The following GRIP1 variants were observed in gnomAD, a reference collection of about 807,000 sequenced individuals.
GRIP1 encodes the protein glutamate receptor interacting protein 1.
GRIP1 carries 45 observed loss-of-function variants against 129.9 expected under a neutral mutation model. The observed-to-expected ratio is 0.35, with a 90% confidence interval of 0.27 to 0.44. The LOEUF is 0.44. Among genes scored for constraint, GRIP1 ranks in the 20% least tolerant of loss-of-function variants. GRIP1 has a pLI of 1.00. For synonymous variants in GRIP1, 530 were observed against 520.8 expected (o/e 1.02, Z -0.24); for missense variants, 1,196 against 1,396.8 (o/e 0.86, Z 2.29).
At chr12:66,446,323 T>G (rs1322537718) in intron 11 of GRIP1, among the ~76,000 whole-genome samples, 1 of 152,234 alleles carries the variant, frequency 6.6e-6, no homozygotes. Context: ...CCCTGCCCAT[T>G]GGAGTGTGGC....
chr12:66,673,744 C>T (rs2034194085), intron 1 of GRIP1, among the ~76,000 whole-genome samples: 1 of 152,304 alleles, frequency 6.6e-6, no homozygotes, highest in East Asian at 1.9e-4. Flanking sequence ...GGACCACGAG[C>T]AGCACTTGCG....
chr12:67,057,454 A>AAC, intron 1 of GRIP1, among the ~76,000 whole-genome samples: 1 of 149,708 alleles, frequency 6.7e-6, no homozygotes, highest in Admixed American at 6.7e-5. Context: ...AAAAAAAAAA[A>AAC]ACTCCTGTTG....
intron 1 of GRIP1, among the ~76,000 whole-genome samples, chr12:66,831,539 C>T (rs2039518288): frequency 6.6e-6 from 1 of 152,170 alleles, no homozygotes; most frequent in South Asian, 2.1e-4. Flanking sequence ...TGAGTATATG[C>T]TTTATGTGTG....
chr12:67,047,858 G>T (rs1012402099), intron 1 of GRIP1, among the ~76,000 whole-genome samples: 6 of 152,142 alleles, frequency 3.9e-5, no homozygotes, highest in Non-Finnish European at 8.8e-5. Context: ...TCATCAAATT[G>T]CTTTCTCCAA....
intron 2 of GRIP1, among the ~76,000 whole-genome samples, chr12:66,596,585 G>A (rs1232258153): frequency 6.6e-6 from 1 of 152,184 alleles, no homozygotes; most frequent in Non-Finnish European, 1.5e-5. Flanking sequence ...AATGAGTAGA[G>A]TTGATACAAA....
intron 1 of GRIP1, among the ~76,000 whole-genome samples, chr12:66,867,703 A>G (rs1184430176): frequency 1.3e-5 from 2 of 152,156 alleles, no homozygotes; most frequent in African/African-American, 4.8e-5. Flanking sequence ...CACTTTAAAA[A>G]CACCCATTTT....
At chr12:66,923,527 C>T (rs968761076) in intron 1 of GRIP1, among the ~76,000 whole-genome samples, 21 of 152,160 alleles carry the variant, frequency 1.4e-4, no homozygotes, top group African/African-American at 4.1e-4. Flanking sequence ...AAACTTTTAA[C>T]CCCTTTATCT....
chr12:66,714,421 G>A (rs938649093), intron 1 of GRIP1, among the ~76,000 whole-genome samples: 14 of 151,984 alleles, frequency 9.2e-5, no homozygotes, highest in East Asian at 1.9e-4. Context: ...GATCAATGTC[G>A]TTGCCAGATA....
At chr12:66,578,449 C>T (rs1185842729) in intron 2 of GRIP1, among the ~76,000 whole-genome samples, 5 of 150,780 alleles carry the variant, frequency 3.3e-5, no homozygotes, top group Admixed American at 1.3e-4. Context: ...CAAAGCAGGG[C>T]GAGGCATTGC....
chr12:66,596,990 T>C lies in GRIP1; in HGVS notation c.56-63A>G, dbSNP rs960119652. 11 of 1,088,748 alleles carry C rather than the reference T, an allele frequency of 1.0e-5. No homozygotes were observed. The African/African-American group carries it at 1.2e-4, about 12-fold the overall frequency. The allele number at this position is 1,088,748 out of a possible 1,614,324, so 67.4% of individuals were successfully genotyped here. On this transcript the variant is annotated intron_variant, in intron 1 of 24. Coordinates refer to ENST00000359742, the MANE Select transcript of GRIP1 (RefSeq NM_001366722.1). ...CCAGTTTCTAATGCAGTGAAGATTTTTAACGGATTGCAATCCTTCTGCGAG... is the reference window on the plus strand; with the variant it reads ...CCAGTTTCTAATGCAGTGAAGATTTCTAACGGATTGCAATCCTTCTGCGAG...
At chr12:66,576,647 T>TTTATTTAAAA (rs2063148449) in intron 2 of GRIP1, among the ~76,000 whole-genome samples, 1 of 152,212 alleles carries the variant, frequency 6.6e-6, no homozygotes, top group Non-Finnish European at 1.5e-5. Flanking sequence ...AAAAGAGGGA[T>TTTATTTAAAA]AACACCTCTG....
intron 1 of GRIP1, among the ~76,000 whole-genome samples, chr12:66,822,898 G>C (rs953517851): frequency 5.3e-5 from 8 of 152,158 alleles, no homozygotes; most frequent in Admixed American, 5.2e-4. Flanking sequence ...CCTGGCTGAT[G>C]AGATCAATCA....
At chr12:66,482,479 G>A (rs2059833493) in intron 7 of GRIP1, among the ~76,000 whole-genome samples, 1 of 152,178 alleles carries the variant, frequency 6.6e-6, no homozygotes, top group Admixed American at 6.5e-5. Flanking sequence ...ATCACAGAAG[G>A]GAATCTACGA....
At chr12:66,690,109 G>A (rs1006324350) in intron 1 of GRIP1, among the ~76,000 whole-genome samples, 1 of 151,846 alleles carries the variant, frequency 6.6e-6, no homozygotes, top group South Asian at 2.1e-4. Flanking sequence ...CTGTAGAGAA[G>A]GGCTGTCCCT....
At chr12:67,024,924 A>G (rs1279755439) in intron 1 of GRIP1, among the ~76,000 whole-genome samples, 6 of 152,182 alleles carry the variant, frequency 3.9e-5, no homozygotes, top group African/African-American at 1.4e-4. Flanking sequence ...TCTCACTGCC[A>G]TTTGTTTTTC....
At chr12:66,417,069 T>C (rs1246300710) in intron 15 of GRIP1, among the ~76,000 whole-genome samples, 2 of 151,816 alleles carry the variant, frequency 1.3e-5, no homozygotes, top group Non-Finnish European at 2.9e-5. Context: ...AAGTCAAAAA[T>C]ATATTAAAAA....
intron 1 of GRIP1, among the ~76,000 whole-genome samples, chr12:66,961,821 T>C (rs1048846499): frequency 6.6e-6 from 1 of 152,224 alleles, no homozygotes; most frequent in Non-Finnish European, 1.5e-5. Context: ...CATTAGTGCC[T>C]GGCAGCCAGA....
At chr12:66,614,856 C>T (rs570780833) in intron 1 of GRIP1, among the ~76,000 whole-genome samples, 32 of 152,214 alleles carry the variant, frequency 2.1e-4, no homozygotes, top group Non-Finnish European at 2.9e-4. Flanking sequence ...TTTGACTAAA[C>T]CTTGCTACTC....
intron 1 of GRIP1, among the ~76,000 whole-genome samples, chr12:66,661,908 C>G (rs2033532761): frequency 6.6e-6 from 1 of 152,032 alleles, no homozygotes; most frequent in Non-Finnish European, 1.5e-5. Context: ...TCACTGTGTA[C>G]CATTTGGGAT....
Sources: gnomAD v4.1 joint callset for allele counts (sites outside exome capture counted in the v4.1 genomes callset) on GRCh38, gnomAD v4.1.1 for gene constraint, MANE v1.5 for transcripts, NCBI Gene and HGNC (gene_info 2026-07-23, HGNC 2026-07-21) for gene names.